Variants in GARNL3 observed in about 807,000 individuals in gnomAD.
GARNL3 encodes GTPase activating Rap/RanGAP domain like 3.
A neutral mutation model predicts 125.0 loss-of-function variants in GARNL3; 63 were observed. The ratio of observed to expected loss-of-function variants is 0.50; its 90% confidence interval spans 0.41 to 0.62. GARNL3 has a LOEUF of 0.62. Among genes scored for constraint, GARNL3 ranks in the 20% least tolerant of loss-of-function variants. GARNL3 has a pLI of 0.00. For synonymous variants in GARNL3, 439 were observed against 457.5 expected (o/e 0.96, Z 0.52); for missense variants, 994 against 1,244.0 (o/e 0.80, Z 3.02).
At chr9:127,294,457 C>A (rs1260139122) in intron 2 of GARNL3, among the ~76,000 whole-genome samples, 1 of 152,166 alleles carries the variant, frequency 6.6e-6, no homozygotes, top group East Asian at 1.9e-4. Flanking sequence ...GTGTGAGCCA[C>A]CATGCCTAGC....
chr9:127,261,704 C>T (rs1047302620), upstream of GARNL3, among the ~76,000 whole-genome samples: 5 of 152,150 alleles, frequency 3.3e-5, no homozygotes, highest in East Asian at 1.9e-4. Context: ...TGAGCCACCG[C>T]GCCCGGCCTT....
At chr9:127,251,130 A>C (rs908942291) in intron 2 of GARNL3, among the ~76,000 whole-genome samples, 2 of 152,226 alleles carry the variant, frequency 1.3e-5, no homozygotes, top group Non-Finnish European at 2.9e-5. Context: ...TTACTATTTT[A>C]ATCAGTGCTT....
chr9:127,315,725 G>C (rs997525744), intron 4 of GARNL3, among the ~76,000 whole-genome samples: 20 of 151,344 alleles, frequency 1.3e-4, no homozygotes, highest in African/African-American at 4.9e-4. Context: ...TATCTCTACT[G>C]TGTTTCTTCT....
At chr9:127,263,248 C>T (rs2063629298), upstream of GARNL3, among the ~76,000 whole-genome samples, 1 of 152,172 alleles carries the variant, frequency 6.6e-6, no homozygotes, top group Non-Finnish European at 1.5e-5. Flanking sequence ...TCTCAGAACC[C>T]CCTCAGCAGA....
chr9:127,338,274 G>T (rs775735906), intron 12 of GARNL3, 113 bp downstream of exon 12: 9 of 848,062 alleles, frequency 1.1e-5, no homozygotes, highest in Non-Finnish European at 1.6e-5. Context: ...TAATATGAGT[G>T]CCTGCACCTT....
intron 15 of GARNL3, among the ~76,000 whole-genome samples, chr9:127,345,147 G>C (rs1313740979): frequency 6.6e-6 from 1 of 152,122 alleles, no homozygotes; most frequent in Non-Finnish European, 1.5e-5. Context: ...CAAGCTCATG[G>C]TTTATAAATC....
At chr9:127,323,896 T>C (rs2065482229) in intron 6 of GARNL3, among the ~76,000 whole-genome samples, 1 of 152,182 alleles carries the variant, frequency 6.6e-6, no homozygotes, top group Non-Finnish European at 1.5e-5. Flanking sequence ...CACAGTGACA[T>C]GCAAACATAA....
chr9:127,263,747 A>C, upstream of GARNL3: 1 of 1,202,020 alleles, frequency 8.3e-7, no homozygotes, highest in Non-Finnish European at 1.0e-6. Context: ...CAGCTAAGAG[A>C]GGGAGGACTA....
chr9:127,257,384 T>G (rs768793853), intron 2 of GARNL3, among the ~76,000 whole-genome samples: 1 of 152,226 alleles, frequency 6.6e-6, no homozygotes, highest in African/African-American at 2.4e-5. Context: ...AATTTTATAG[T>G]CCCACTTGCA....
At chr9:127,375,717 G>A (rs1192532672) in intron 22 of GARNL3, among the ~76,000 whole-genome samples, 1 of 152,110 alleles carries the variant, frequency 6.6e-6, no homozygotes, top group African/African-American at 2.4e-5. Context: ...ACAGAATATC[G>A]TAGAAGTGAA....
intron 11 of GARNL3, among the ~76,000 whole-genome samples, chr9:127,336,579 A>G (rs1355753947): frequency 1.3e-5 from 2 of 152,274 alleles, no homozygotes; most frequent in Admixed American, 6.5e-5. Context: ...TGCTTTAGGC[A>G]TAAAAACTTG....
intron 22 of GARNL3, among the ~76,000 whole-genome samples, chr9:127,371,033 C>A (rs553028226): frequency 1.3e-5 from 2 of 152,316 alleles, no homozygotes; most frequent in Admixed American, 6.5e-5. Flanking sequence ...TCTGATGTGC[C>A]CCACCCCAGT....
intron 1 of GARNL3, among the ~76,000 whole-genome samples, chr9:127,290,807 A>G (rs1230132534): frequency 6.6e-6 from 1 of 152,232 alleles, no homozygotes; most frequent in East Asian, 1.9e-4. Flanking sequence ...TTTCCTGTGA[A>G]GGAGGCTGAA....
intron 1 of GARNL3, among the ~76,000 whole-genome samples, chr9:127,286,383 G>C (rs2131352073): frequency 6.6e-6 from 1 of 152,312 alleles, no homozygotes; most frequent in South Asian, 2.1e-4. Flanking sequence ...AGAGAACCTT[G>C]CTAGAGAGGG....
At chr9:127,268,410 C>G (rs1386536311) in intron 1 of GARNL3, among the ~76,000 whole-genome samples, 1 of 152,202 alleles carries the variant, frequency 6.6e-6, no homozygotes, top group African/African-American at 2.4e-5. Context: ...TCTCTCTGGT[C>G]CATATGCTTT....
chr9:127,365,310 T>C lies in GARNL3; in HGVS notation c.2105T>C (p.Val702Ala). 1 of 1,613,894 alleles carries C rather than the reference T, an allele frequency of 6.2e-7. No individual in the cohort carries two copies. Among genetic ancestry groups the C allele is most frequent in the Non-Finnish European group, 8.5e-7 (1 of 1,179,730 alleles). Residue 702 changes from valine to alanine, a missense_variant, in exon 22 of 28, where the codon GTT becomes GCT. Around this residue, in one of 5 missense-constraint regions of GARNL3, gnomAD observed 728 missense variants for 865.7 expected, o/e 0.84. Transcript: ENST00000373387. ...HHVEANRVNFVAAIDVYEDGE... is the reference protein window; with the variant it reads ...HHVEANRVNFAAAIDVYEDGE... ...CCGTTATCATTGCAGGTTAATTTTGTTGCAGCTATTGATGTGTACGAAGAT... is the reference window on the plus strand; with the variant it reads ...CCGTTATCATTGCAGGTTAATTTTGCTGCAGCTATTGATGTGTACGAAGAT...
At chr9:127,324,849 T>C (rs1489883094) in intron 6 of GARNL3, among the ~76,000 whole-genome samples, 1 of 152,216 alleles carries the variant, frequency 6.6e-6, no homozygotes, top group Non-Finnish European at 1.5e-5. Context: ...TCCATGCTGC[T>C]CTTACGAGAT....
chr9:127,344,373 A>G, intron 15 of GARNL3, 34 bp downstream of exon 15: 1 of 1,453,036 alleles, frequency 6.9e-7, no homozygotes, highest in Non-Finnish European at 9.7e-7. Context: ...TCTGCGAGAC[A>G]TGTAGTTTTG....
At chr9:127,349,381 T>A (rs1366088537) in intron 17 of GARNL3, among the ~76,000 whole-genome samples, 2 of 152,062 alleles carry the variant, frequency 1.3e-5, no homozygotes, top group African/African-American at 4.8e-5. Context: ...TTAGAACCAC[T>A]GTCTCTGGGA....
Sources: allele counts gnomAD v4.1 joint callset (sites outside exome capture counted in the v4.1 genomes callset), GRCh38; gene constraint gnomAD v4.1.1; regional missense constraint gnomAD v4.1.1; transcripts MANE v1.5; gene names NCBI Gene and HGNC (gene_info 2026-07-23, HGNC 2026-07-21).